PCDHGA6: variants seen among roughly 807,000 people sequenced by gnomAD.
PCDHGA6 encodes protocadherin gamma-A6.
PCDHGA6 carries 41 observed loss-of-function variants against 60.6 expected under a neutral mutation model. The observed-to-expected ratio is 0.68, with a 90% CI of 0.53 to 0.88. The LOEUF (loss-of-function observed/expected upper bound fraction) is 0.88, where lower values mean the gene tolerates loss of function less well. Ranked by LOEUF, PCDHGA6 falls within the 40% of genes least tolerant of loss-of-function variation. The probability of loss-of-function intolerance (pLI) is 0.00; values close to 1 mark genes in which losing one functional copy is unlikely to be tolerated. For missense variants in PCDHGA6, 1,312 were observed against 1,203.0 expected (o/e 1.09, Z -1.34); for synonymous variants, 594 against 524.4 (o/e 1.13, Z -1.81).
Position 141,431,021 on chromosome 5 carries a change from G to A in PCDHGA6, c.2424+54514G>A. On this transcript the variant is annotated intron_variant, in intron 1 of 3. Coordinates refer to ENST00000517434, the MANE Select transcript of PCDHGA6 (RefSeq NM_018919.3). This position sits in a 1 kb window ranked among gnomAD's most constrained non-coding sequence, Gnocchi z 4.8. ...GCGCAGCGGCAGCTTGGTCACGGCG[G>A]GCAGGATAGACCGGGAGGAGCTCTG... is the stretch of plus-strand genomic sequence containing the variant. 1 of 1,613,940 alleles carries A rather than the reference G, an allele frequency of 6.2e-7. No individual in the cohort carries two copies. Among genetic ancestry groups the A allele is most frequent in the Non-Finnish European group, 8.5e-7 (1 of 1,179,936 alleles).
chr5:141,388,662 A>T, intron 1 of PCDHGA6: 1 of 1,613,954 alleles, frequency 6.2e-7, no homozygotes, highest in Non-Finnish European at 8.5e-7. Flanking sequence ...CCCGGGGACC[A>T]CGGTGCTACA....
chr5:141,486,598 C>T lies in PCDHGA6; in HGVS notation c.2425-8209C>T. 2 of 1,613,604 alleles carry T rather than the reference C, an allele frequency of 1.2e-6. No homozygotes were observed. Among genetic ancestry groups the T allele is most frequent in the Non-Finnish European group, 1.7e-6 (2 of 1,179,998 alleles). ...ACAATCGCCCAGGGGACCTGCTTTG[C>T]TCCCTTGCAGCCTCTGACCCAGACT... On this transcript the variant is annotated intron_variant, in intron 1 of 3. Transcript: ENST00000517434. The surrounding 1 kb of genome is among the most constrained non-coding windows in gnomAD (Gnocchi z 5.0).
chr5:141,472,673 C>T (rs2099292538), intron 1 of PCDHGA6, among the ~76,000 whole-genome samples: 3 of 151,340 alleles, frequency 2.0e-5, no homozygotes, highest in Admixed American at 2.0e-4. Context: ...GTATACTGGT[C>T]CTTCCATTTC....
At position 141,476,639 on chromosome 5, in the gene PCDHGA6, A is replaced by G; in HGVS notation, c.2425-18168A>G. 1.2e-6 allele frequency: 2 copies of G among 1,614,206 alleles called. No individual in the cohort carries two copies. Among genetic ancestry groups the G allele is most frequent in the Non-Finnish European group, 1.7e-6 (2 of 1,180,038 alleles). On this transcript the variant is annotated intron_variant, in intron 1 of 3. Transcript: ENST00000517434. The surrounding 1 kb of genome is among the most constrained non-coding windows in gnomAD (Gnocchi z 7.6). ...CAACTCTTTACAAACCTATGAGCTG[A>G]GCCGAAATGAATACTTTGCGCTTCG...
chr5:141,415,107 A>T, intron 1 of PCDHGA6: 1 of 1,613,624 alleles, frequency 6.2e-7, no homozygotes, highest in Non-Finnish European at 8.5e-7. Flanking sequence ...CGCTCAAGCA[A>T]AGCCTCGTAG....
At chr5:141,433,422 A>G (rs1172678396) in intron 1 of PCDHGA6, among the ~76,000 whole-genome samples, 1 of 150,646 alleles carries the variant, frequency 6.6e-6, no homozygotes, top group Admixed American at 6.6e-5. Context: ...TCTTGTACAG[A>G]CAGGAGTCTC....
In PCDHGA6 at chr5:141,375,892, G is replaced by T. The variant is rs753797132; in HGVS notation, c.1809G>T (p.Trp603Cys). ...AVDRDSGQNA[W>C]LSYRLLKASE... ...ACAGAGACTCGGGCCAGAACGCCTG[G>T]CTGTCCTACCGCCTGCTCAAGGCCA... Residue 603 changes from tryptophan (W) to cysteine (C), a missense_variant, in exon 1 of 4, where the codon TGG (tryptophan) becomes TGT (cysteine). Coordinates refer to ENST00000517434, the MANE Select transcript of PCDHGA6 (RefSeq NM_018919.3). The T allele has an allele frequency of 6.2e-7, 1 of 1,613,794 alleles. No homozygotes were observed. Among genetic ancestry groups the T allele is most frequent in the African/African-American group, 1.3e-5 (1 of 75,060 alleles).
At chr5:141,457,107 A>G (rs2098908740) in intron 1 of PCDHGA6, among the ~76,000 whole-genome samples, 1 of 152,260 alleles carries the variant, frequency 6.6e-6, no homozygotes, top group African/African-American at 2.4e-5. Flanking sequence ...ATTAAGCAAA[A>G]TACGACAGCA....
intron 1 of PCDHGA6, chr5:141,389,604 G>C: frequency 6.2e-7 from 1 of 1,613,156 alleles, no homozygotes; most frequent in Non-Finnish European, 8.5e-7. Flanking sequence ...TGCGCTCTTC[G>C]ATATGGTGCC....
At chr5:141,399,415 T>C in intron 1 of PCDHGA6, 1 of 1,613,974 alleles carries the variant, frequency 6.2e-7, no homozygotes, top group Non-Finnish European at 8.5e-7. Context: ...GCCCCTCTCC[T>C]CCAGCATAAG....
rs1199756501 is a variant in PCDHGA6 at position 141,493,222 on chromosome 5, C to A, written c.2425-1585C>A. Among the ~76,000 whole-genome samples the A allele has an allele frequency of 6.6e-6, 1 of 152,194 alleles. No individual in the cohort carries two copies. Among genetic ancestry groups the A allele is most frequent in the East Asian group, 1.9e-4 (1 of 5,196 alleles). ...ACCTCATCTCATTTGCTCTTCCCAC[C>A]ATTGCTGTTGGCTAGGTACTAACAT... On this transcript the variant is annotated intron_variant, in intron 1 of 3. Coordinates refer to ENST00000517434, the MANE Select transcript of PCDHGA6 (RefSeq NM_018919.3). This position sits in a 1 kb window ranked among gnomAD's most constrained non-coding sequence, Gnocchi z 4.3.
chr5:141,403,416 C>G, intron 1 of PCDHGA6: 1 of 1,614,034 alleles, frequency 6.2e-7, no homozygotes, highest in Non-Finnish European at 8.5e-7. Flanking sequence ...TATCCACTTC[C>G]AGAAGCTATT....
chr5:141,374,701 C>T lies in PCDHGA6; in HGVS notation c.618C>T (p.Ala206=), dbSNP rs781441820. The T allele has an allele frequency of 1.2e-6, 2 of 1,608,962 alleles. No individual in the cohort carries two copies. Among genetic ancestry groups the T allele is most frequent in the East Asian group, 2.2e-5 (1 of 44,708 alleles). Residue 206 remains alanine, a synonymous_variant, in exon 1 of 4, where the codon GCC becomes GCT. Coordinates refer to ENST00000517434, the MANE Select transcript of PCDHGA6 (RefSeq NM_018919.3). ...GCACACTGGACCGGGAAGGAGAAGC[C>T]GTTTACCGCCTGGTCCTTACTGCCA... is the stretch of plus-strand genomic sequence containing the variant. The part of the protein sequence containing the change: ...LEGTLDREGE[A]VYRLVLTAMD...
At chr5:141,478,163 C>T (rs779617960) in intron 1 of PCDHGA6, 1 of 1,614,028 alleles carries the variant, frequency 6.2e-7, no homozygotes, top group Non-Finnish European at 8.5e-7. Context: ...TGGCTCTGCC[C>T]CCCGGGAGCA....
At chr5:141,417,001 A>G (rs1590037654) in intron 1 of PCDHGA6, 1 of 150,924 alleles carries the variant, frequency 6.6e-6, no homozygotes, top group African/African-American at 2.5e-5. Context: ...TTCATCTCAA[A>G]TAATTCTATT....
intron 1 of PCDHGA6, among the ~76,000 whole-genome samples, chr5:141,448,877 G>A (rs1421211206): frequency 6.6e-6 from 1 of 152,112 alleles, no homozygotes; most frequent in African/African-American, 2.4e-5. Flanking sequence ...CCTGGGAGGC[G>A]GAGCTTGCAG....
chr5:141,419,075 A>C (rs2096322774), intron 1 of PCDHGA6: 3 of 1,613,968 alleles, frequency 1.9e-6, no homozygotes, highest in South Asian at 1.1e-5. Flanking sequence ...CAAGCTAGTA[A>C]CAGATGAGGC....
At chr5:141,496,121 C>G (rs1391009290) in intron 2 of PCDHGA6, among the ~76,000 whole-genome samples, 1 of 152,088 alleles carries the variant, frequency 6.6e-6, no homozygotes, top group Non-Finnish European at 1.5e-5. Context: ...TCCTTCCCTG[C>G]CCCTCACACA....
chr5:141,407,548 G>A (rs2094952527), intron 1 of PCDHGA6, among the ~76,000 whole-genome samples: 1 of 151,388 alleles, frequency 6.6e-6, no homozygotes, highest in Non-Finnish European at 1.5e-5. Context: ...GTAACAGATT[G>A]TAGAACATAA....
Sources: gnomAD v4.1 joint callset for allele counts (sites outside exome capture counted in the v4.1 genomes callset) on GRCh38, gnomAD v4.1.1 for gene constraint, Gnocchi (gnomAD v3.1) non-coding constraint, MANE v1.5 for transcripts, NCBI Gene and HGNC (gene_info 2026-07-23, HGNC 2026-07-21) for gene names.